Variants in DCC observed in about 807,000 individuals in gnomAD.
The protein encoded by DCC is netrin receptor DCC.
In DCC, 58 loss-of-function variants were observed where a neutral mutation model predicts 172.5. That is an observed-to-expected ratio of 0.34 (90% confidence interval 0.27 to 0.42). The LOEUF is 0.42. Among genes scored for constraint, DCC ranks in the 10% least tolerant of loss-of-function variants. The pLI, the probability that DCC is intolerant of heterozygous loss-of-function variation, is 1.00. For missense variants in DCC, 1,740 were observed against 1,791.0 expected, an observed-to-expected ratio of 0.97 and a Z score of 0.51; for synonymous variants, 709 against 644.5, an observed-to-expected ratio of 1.10 and a Z score of -1.52.
At chr18:52,809,852 AGAT>A (rs372137256) in intron 2 of DCC, among the ~76,000 whole-genome samples, 208 of 152,324 alleles carry the variant, frequency 1.4e-3, no homozygotes, top group African/African-American at 4.3e-3. Context: ...CTGTGCTCTC[AGAT>A]GATAACTGAT....
intron 2 of DCC, among the ~76,000 whole-genome samples, chr18:52,872,532 T>A (rs2039337676): frequency 6.6e-6 from 1 of 152,192 alleles, no homozygotes; most frequent in South Asian, 2.1e-4. Context: ...TATGCCAAAG[T>A]ATATTTTGGG....
chr18:52,950,542 C>T (rs532124381), intron 5 of DCC, among the ~76,000 whole-genome samples: 1 of 152,256 alleles, frequency 6.6e-6, no homozygotes, highest in South Asian at 2.1e-4. Flanking sequence ...ATCAATGTGG[C>T]CAGGCCATTT....
chr18:53,023,734 G>A (rs765063338), intron 5 of DCC, among the ~76,000 whole-genome samples: 32 of 152,166 alleles, frequency 2.1e-4, no homozygotes, highest in Non-Finnish European at 3.5e-4. Flanking sequence ...ATAATATAGA[G>A]TTTTTAGAGG....
chr18:53,055,138 C>T (rs2042386645), intron 5 of DCC, among the ~76,000 whole-genome samples: 1 of 152,100 alleles, frequency 6.6e-6, no homozygotes, highest in African/African-American at 2.4e-5. Flanking sequence ...GCACCTATCC[C>T]ATGCTTGGCC....
intron 1 of DCC, among the ~76,000 whole-genome samples, chr18:52,474,282 T>C (rs1358795683): frequency 6.7e-6 from 1 of 150,018 alleles, no homozygotes; most frequent in East Asian, 2.0e-4. Context: ...ACCACACTGG[T>C]TTAAAGGTGG....
intron 15 of DCC, among the ~76,000 whole-genome samples, chr18:53,375,762 C>T (rs2144968092): frequency 6.6e-6 from 1 of 152,030 alleles, no homozygotes; most frequent in African/African-American, 2.4e-5. Context: ...GCTTGTAGTG[C>T]TTTGTAATCT....
At chr18:53,255,531 A>C (rs1016106928) in intron 12 of DCC, among the ~76,000 whole-genome samples, 3 of 151,864 alleles carry the variant, frequency 2.0e-5, no homozygotes, top group African/African-American at 7.3e-5. Flanking sequence ...ATGTCCCTAC[A>C]AAGGACATGA....
chr18:53,284,916 T>C (rs1280387267), intron 12 of DCC, among the ~76,000 whole-genome samples: 1 of 152,188 alleles, frequency 6.6e-6, no homozygotes, highest in Non-Finnish European at 1.5e-5. Flanking sequence ...GCAAAGAGAC[T>C]GGCAGCATTT....
intron 1 of DCC, among the ~76,000 whole-genome samples, chr18:52,536,208 GC>G (rs749826220): frequency 2.3e-4 from 35 of 152,230 alleles, no homozygotes; most frequent in Admixed American, 6.5e-4. Flanking sequence ...ATATGTCGGA[GC>G]CAGATTGTAA....
At chr18:52,841,143 A>G (rs2038798754) in intron 2 of DCC, among the ~76,000 whole-genome samples, 1 of 151,986 alleles carries the variant, frequency 6.6e-6, no homozygotes, top group Non-Finnish European at 1.5e-5. Flanking sequence ...GTGATGGTGG[A>G]GGAAAAGCTT....
At chr18:53,484,581 T>G (rs2045879206) in intron 25 of DCC, among the ~76,000 whole-genome samples, 1 of 152,022 alleles carries the variant, frequency 6.6e-6, no homozygotes, top group Non-Finnish European at 1.5e-5. Flanking sequence ...ATGTAGGTAT[T>G]TTATCCATTT....
intron 1 of DCC, among the ~76,000 whole-genome samples, chr18:52,469,804 C>T (rs1372723297): frequency 6.6e-6 from 1 of 152,164 alleles, no homozygotes; most frequent in Non-Finnish European, 1.5e-5. Context: ...CTCCTAGTGG[C>T]CCTGCATTAC....
intron 1 of DCC, among the ~76,000 whole-genome samples, chr18:52,693,606 A>G (rs2035965783): frequency 6.6e-6 from 1 of 151,876 alleles, no homozygotes; most frequent in Non-Finnish European, 1.5e-5. Context: ...GTTTTTAAAT[A>G]CCATTCTCTA....
intron 15 of DCC, among the ~76,000 whole-genome samples, chr18:53,384,184 G>A (rs561640020): frequency 3.9e-4 from 60 of 152,170 alleles, no homozygotes; most frequent in Admixed American, 3.1e-3. Context: ...CTGAGTACTT[G>A]CAAGTGGATA....
At chr18:53,177,635 C>T (rs1176969607) in intron 8 of DCC, among the ~76,000 whole-genome samples, 1 of 152,146 alleles carries the variant, frequency 6.6e-6, no homozygotes, top group African/African-American at 2.4e-5. Context: ...GCTTCCCTAC[C>T]TCAAGACAAC....
At chr18:52,610,755 A>G (rs1356472223) in intron 1 of DCC, among the ~76,000 whole-genome samples, 1 of 152,194 alleles carries the variant, frequency 6.6e-6, no homozygotes, top group East Asian at 1.9e-4. Flanking sequence ...CTATGTTTCA[A>G]TAAAATCTTA....
intron 1 of DCC, among the ~76,000 whole-genome samples, chr18:52,585,383 C>T (rs987674428): frequency 1.3e-5 from 2 of 152,152 alleles, no homozygotes; most frequent in African/African-American, 4.8e-5. Context: ...AAAAAGAGAA[C>T]TCACATACAT....
intron 2 of DCC, among the ~76,000 whole-genome samples, chr18:52,840,302 C>T (rs2038781962): frequency 6.6e-6 from 1 of 152,140 alleles, no homozygotes; most frequent in Non-Finnish European, 1.5e-5. Context: ...TTATCTGATG[C>T]TTTCCTTTGA....
At chr18:52,641,121 C>A (rs776555089) in intron 1 of DCC, among the ~76,000 whole-genome samples, 4 of 152,104 alleles carry the variant, frequency 2.6e-5, no homozygotes, top group South Asian at 4.2e-4. Context: ...GGGGAAGGGA[C>A]GCCCTTTTCA....
Sources: allele counts gnomAD v4.1 joint callset (sites outside exome capture counted in the v4.1 genomes callset), GRCh38; gene constraint gnomAD v4.1.1; transcripts MANE v1.5; gene names NCBI Gene and HGNC (gene_info 2026-07-23, HGNC 2026-07-21).